The following C6orf118 variants were observed in gnomAD, a reference collection of about 807,000 sequenced individuals.
C6orf118 encodes chromosome 6 open reading frame 118.
A neutral mutation model predicts 50.2 loss-of-function variants in C6orf118; 50 were observed. The observed-to-expected ratio is 1.00, with a 90% confidence interval of 0.79 to 1.26. The LOEUF (loss-of-function observed/expected upper bound fraction) is 1.26. C6orf118 is among the 50% of genes most tolerant of loss of function. The pLI, the probability that C6orf118 is intolerant of heterozygous loss-of-function variation, is 0.00. For synonymous variants in C6orf118, 239 were observed against 230.9 expected, an observed-to-expected ratio of 1.03 and a Z score of -0.32; for missense variants, 641 against 578.7, an observed-to-expected ratio of 1.11 and a Z score of -1.10.
At chr6:165,309,397 C>A (rs1246316905) in intron 1 of C6orf118, among the ~76,000 whole-genome samples, 165 bp downstream of exon 1, 1 of 152,252 alleles carries the variant, frequency 6.6e-6, no homozygotes, top group Non-Finnish European at 1.5e-5. Flanking sequence ...TCTGAGGAGG[C>A]AGCACAACCC....
chr6:165,288,943 A>T, intron 7 of C6orf118, among the ~76,000 whole-genome samples: 1 of 152,116 alleles, frequency 6.6e-6, no homozygotes, highest in Middle Eastern at 3.2e-3. Flanking sequence ...CTTAAAATAG[A>T]AAAAAATAAA....
intron 5 of C6orf118, 77 bp downstream of exon 5, chr6:165,297,900 G>A (rs951979211): frequency 3.1e-5 from 50 of 1,591,752 alleles, no homozygotes; most frequent in Middle Eastern, 1.7e-4. Flanking sequence ...CAATGTAACC[G>A]TAGGCTTGTC....
chr6:165,301,394 C>G (rs555714520), intron 2 of C6orf118, among the ~76,000 whole-genome samples, 175 bp downstream of exon 2: 5 of 131,794 alleles, frequency 3.8e-5, no homozygotes, highest in African/African-American at 1.5e-4. Context: ...GCACCGAGAG[C>G]ACTGCACAGA....
In C6orf118 at chr6:165,301,928, G is replaced by A. The variant is rs752149346; in HGVS notation, c.394C>T (p.Leu132=). The change falls in exon 2 of 9, where the codon CTG becomes TTG. Residue 132 remains leucine, a synonymous_variant. Coordinates refer to ENST00000230301, the MANE Select transcript of C6orf118 (RefSeq NM_144980.4). ...EAQDTPLFRY[L]NPQASLSHTS... is the part of the protein sequence containing the mutation. ...TGGGAAAGAGAGGCCTGGGGGTTCA[G>A]GTACCTGAACAGCGGGGTGTCCTGG... 1.4e-5 allele frequency: 23 copies of A among 1,613,754 alleles called. No homozygotes were observed. The Admixed American group carries it at 3.7e-4, about 26-fold the overall frequency.
In C6orf118 at chr6:165,302,067, C is replaced by A. The variant is rs146305345; in HGVS notation, c.255G>T (p.Arg85=). The change falls in exon 2 of 9, where the codon CGG becomes CGT. Residue 85 remains arginine, a synonymous_variant. Transcript: ENST00000230301. The part of the protein sequence containing the change: ...TILQHWPNAH[R]PKGERASEVG... ...CCTCAGAGGCGCGCTCCCCCTTGGG[C>A]CGGTGGGCATTGGGCCAGTGCTGTA... 4 of 1,613,774 alleles carry A rather than the reference C, an allele frequency of 2.5e-6. No homozygotes were observed. Among genetic ancestry groups the A allele is most frequent in the African/African-American group, 1.3e-5 (1 of 74,902 alleles).
intron 3 of C6orf118, among the ~76,000 whole-genome samples, chr6:165,299,843 C>T (rs965516463): frequency 2.0e-5 from 3 of 152,258 alleles, no homozygotes; most frequent in Non-Finnish European, 2.9e-5. Context: ...GCCACCACGC[C>T]CAGCTAATTT....
At chr6:165,307,584 T>G (rs1419337635) in intron 1 of C6orf118, among the ~76,000 whole-genome samples, 3 of 151,890 alleles carry the variant, frequency 2.0e-5, no homozygotes, top group African/African-American at 7.3e-5. Context: ...TTTTAATCAC[T>G]GTCCCATGTT....
At chr6:165,305,752 T>C (rs1476635703) in intron 1 of C6orf118, among the ~76,000 whole-genome samples, 2 of 119,408 alleles carry the variant, frequency 1.7e-5, no homozygotes. Context: ...ATCAGAGAAA[T>C]GCAAATCAAA....
intron 4 of C6orf118, among the ~76,000 whole-genome samples, chr6:165,299,207 T>C (rs1383629317): frequency 3.3e-5 from 5 of 152,232 alleles, no homozygotes; most frequent in African/African-American, 7.2e-5. Context: ...TATACATAGA[T>C]AGTTATGTCG....
chr6:165,281,135 G>A (rs1170448836), intron 8 of C6orf118, among the ~76,000 whole-genome samples: 1 of 152,150 alleles, frequency 6.6e-6, no homozygotes, highest in Non-Finnish European at 1.5e-5. Context: ...AGTAATATAT[G>A]CATAGGAGTT....
At chr6:165,280,211 A>G (rs1468514547) in intron 8 of C6orf118, 101 bp from the exon 9 acceptor site, 1 of 767,882 alleles carries the variant, frequency 1.3e-6, no homozygotes, top group East Asian at 2.7e-5. Flanking sequence ...CATTTACCCA[A>G]AAACAGACAA....
intron 5 of C6orf118, among the ~76,000 whole-genome samples, chr6:165,296,243 GTTTTTTGT>G (rs1780295066): frequency 1.8e-5 from 1 of 55,354 alleles, no homozygotes; most frequent in Non-Finnish European, 3.5e-5. Context: ...TGTTGTTTTC[GTTTTTTGT>G]TTTTTTTTTT....
chr6:165,298,944 A>G (rs1235352730), intron 4 of C6orf118, among the ~76,000 whole-genome samples: 1 of 152,236 alleles, frequency 6.6e-6, no homozygotes, highest in Non-Finnish European at 1.5e-5. Context: ...CTACAGTGTT[A>G]GATTTTCTTA....
At position 165,282,647 on chromosome 6, in the gene C6orf118, C is replaced by CTTTTTT. The variant is rs3079844; in HGVS notation, c.1303-960_1303-955dup. ...TTGTAAATCCTCAATACATTCAGCTCTTTTTTTTTTTTTTCCTGGTTGGAA... is the reference window on the plus strand; with the variant it reads ...TTGTAAATCCTCAATACATTCAGCTCTTTTTTTTTTTTTTTTTTTTCCTGGTTGGAA... On this transcript the variant is annotated intron_variant, in intron 7 of 8. Transcript: ENST00000230301. 4.5e-4 allele frequency among the ~76,000 whole-genome samples: 64 copies of CTTTTTT among 141,122 alleles called. 3 individuals are homozygous for CTTTTTT. Among genetic ancestry groups the CTTTTTT allele is most frequent in the South Asian group, 6.6e-4 (3 of 4,552 alleles). The allele number at this position is 141,122 out of a possible 152,430, so 92.6% of individuals were successfully genotyped here.
intron 2 of C6orf118, among the ~76,000 whole-genome samples, chr6:165,300,748 C>A (rs1780497790): frequency 6.6e-6 from 1 of 152,092 alleles, no homozygotes; most frequent in South Asian, 2.1e-4. Flanking sequence ...CAAGCATTCA[C>A]TCTCCGCCTC....
intron 8 of C6orf118, among the ~76,000 whole-genome samples, chr6:165,281,008 A>G (rs1779710404): frequency 6.6e-6 from 1 of 152,246 alleles, no homozygotes; most frequent in African/African-American, 2.4e-5. Flanking sequence ...CAACTCAAAG[A>G]AAAGTAACTG....
chr6:165,290,950 C>T (rs996188760), intron 6 of C6orf118, among the ~76,000 whole-genome samples: 2 of 152,174 alleles, frequency 1.3e-5, no homozygotes, highest in African/African-American at 4.8e-5. Flanking sequence ...GAAGTTCCAT[C>T]TTACATGGAT....
chr6:165,294,723 T>C (rs575530226), intron 5 of C6orf118, among the ~76,000 whole-genome samples: 3 of 152,108 alleles, frequency 2.0e-5, no homozygotes, highest in South Asian at 2.1e-4. Context: ...CCAGCTCTAC[T>C]TAAAAATAAT....
At chr6:165,296,225 G>T (rs1780293314) in intron 5 of C6orf118, among the ~76,000 whole-genome samples, 1 of 98,814 alleles carries the variant, frequency 1.0e-5, no homozygotes, top group South Asian at 3.4e-4. Context: ...GTTTTTTGTT[G>T]TTGTTGTTGT....
Sources: allele counts gnomAD v4.1 joint callset (sites outside exome capture counted in the v4.1 genomes callset), GRCh38; gene constraint gnomAD v4.1.1; transcripts MANE v1.5; gene names NCBI Gene and HGNC (gene_info 2026-07-23, HGNC 2026-07-21).